The following ARHGAP15 variants were observed in gnomAD, a reference collection of about 807,000 sequenced individuals.
The protein encoded by ARHGAP15 is rho GTPase-activating protein 15.
In ARHGAP15, 51 loss-of-function variants were observed where a neutral mutation model predicts 63.7. The observed-to-expected ratio is 0.80, with a 90% CI of 0.64 to 1.01. The LOEUF (loss-of-function observed/expected upper bound fraction) is 1.01, where lower values mean the gene tolerates loss of function less well. Ranked by LOEUF, ARHGAP15 falls within the 50% of genes least tolerant of loss-of-function variation. The probability of loss-of-function intolerance (pLI) is 0.00; values close to 1 mark genes in which losing one functional copy is unlikely to be tolerated. For synonymous variants in ARHGAP15, 191 were observed against 193.8 expected, an observed-to-expected ratio of 0.99 and a Z score of 0.12; for missense variants, 560 against 564.6, an observed-to-expected ratio of 0.99 and a Z score of 0.08.
chr2:143,203,309 G>A (rs1460391295), intron 3 of ARHGAP15, among the ~76,000 whole-genome samples: 2 of 151,974 alleles, frequency 1.3e-5, no homozygotes, highest in Admixed American at 6.6e-5. Context: ...CCAAATAATT[G>A]TCTACCTTTG....
chr2:143,594,487 T>C (rs994453026), intron 11 of ARHGAP15, among the ~76,000 whole-genome samples: 1 of 152,170 alleles, frequency 6.6e-6, no homozygotes, highest in Non-Finnish European at 1.5e-5. Context: ...GGGGTTATAG[T>C]ATCCCAGTTT....
chr2:143,216,557 AGTC>A, intron 4 of ARHGAP15, 112 bp downstream of exon 4: 1 of 710,060 alleles, frequency 1.4e-6, no homozygotes, highest in East Asian at 2.6e-5. Flanking sequence ...AGACTAGAAC[AGTC>A]TCCTCTGCTA....
At chr2:143,303,893 A>C (rs781175784) in intron 6 of ARHGAP15, among the ~76,000 whole-genome samples, 1 of 152,180 alleles carries the variant, frequency 6.6e-6, no homozygotes, top group Non-Finnish European at 1.5e-5. Context: ...GCAAATCAAC[A>C]CCATAATGAG....
rs191129854 is a variant in ARHGAP15 at position 143,767,314 on chromosome 2, A to T, written c.1245-675A>T. On this transcript the variant is annotated intron_variant, in intron 13 of 13. Transcript: ENST00000295095. ...AACCAAATCCTAGTGTTTCATTGGT[A>T]TTCCAGCTCTCCATAGGGTCCTCAC... Among the ~76,000 whole-genome samples the T allele has an allele frequency of 2.1e-3, 315 of 152,292 alleles. 2 individuals carry two copies. The highest frequency in any genetic ancestry group is 2.6e-3 in the Non-Finnish European group (179 of 68,020).
chr2:143,356,062 G>A (rs990700847), intron 6 of ARHGAP15, among the ~76,000 whole-genome samples: 10 of 147,462 alleles, frequency 6.8e-5, no homozygotes, highest in African/African-American at 2.1e-4. Context: ...AAAAAAAAAA[G>A]AGAGAGAGAG....
At chr2:143,426,974 A>C (rs1244602623) in intron 6 of ARHGAP15, among the ~76,000 whole-genome samples, 2 of 152,166 alleles carry the variant, frequency 1.3e-5, no homozygotes, top group East Asian at 1.9e-4. Flanking sequence ...GAAGGCATTC[A>C]AGTTGCTGTT....
chr2:143,437,160 C>G, intron 8 of ARHGAP15, 118 bp downstream of exon 8: 3 of 1,210,322 alleles, frequency 2.5e-6, no homozygotes, highest in Admixed American at 3.1e-5. Context: ...AGATTCGTAG[C>G]CATTTCCTGG....
At chr2:143,477,654 C>T (rs1166548601) in intron 8 of ARHGAP15, among the ~76,000 whole-genome samples, 1 of 150,600 alleles carries the variant, frequency 6.6e-6, no homozygotes, top group Non-Finnish European at 1.5e-5. Context: ...AATTCAAAAT[C>T]CAAAGCCTAT....
At chr2:143,465,706 A>AAAT (rs5834950) in intron 8 of ARHGAP15, among the ~76,000 whole-genome samples, 135,659 of 152,010 alleles carry the variant, frequency 0.89, 60,825 homozygotes, top group Middle Eastern at 0.98. Flanking sequence ...AAGCAAGAAA[A>AAAT]ATAAGTTTTT....
At chr2:143,161,594 TC>T (rs1252320017) in intron 2 of ARHGAP15, among the ~76,000 whole-genome samples, 2 of 151,868 alleles carry the variant, frequency 1.3e-5, no homozygotes, top group African/African-American at 4.8e-5. Context: ...ATAAAATAGC[TC>T]CTTCTCAAGA....
chr2:143,387,692 A>G (rs1246737012), intron 6 of ARHGAP15, among the ~76,000 whole-genome samples: 6 of 151,954 alleles, frequency 3.9e-5, no homozygotes, highest in Non-Finnish European at 7.4e-5. Flanking sequence ...GTATTATTGA[A>G]TCTTCCCAAA....
chr2:143,702,832 A>G (rs1186195894), intron 12 of ARHGAP15, among the ~76,000 whole-genome samples: 1 of 152,046 alleles, frequency 6.6e-6, no homozygotes, highest in Admixed American at 6.6e-5. Context: ...TCTGACTCTC[A>G]TTCTCCTGTT....
chr2:143,664,005 A>G (rs1370902205), intron 12 of ARHGAP15, among the ~76,000 whole-genome samples: 2 of 151,332 alleles, frequency 1.3e-5, no homozygotes, highest in Non-Finnish European at 3.0e-5. Context: ...CAGATCAACG[A>G]GACAGAAAGT....
intron 9 of ARHGAP15, among the ~76,000 whole-genome samples, chr2:143,507,599 C>T (rs1241016865): frequency 6.6e-6 from 1 of 152,148 alleles, no homozygotes; most frequent in East Asian, 1.9e-4. Flanking sequence ...GCTTCGAATT[C>T]CATCTAGAGG....
chr2:143,616,735 C>G (rs746876350), intron 11 of ARHGAP15, among the ~76,000 whole-genome samples: 3 of 152,146 alleles, frequency 2.0e-5, no homozygotes, highest in Non-Finnish European at 2.9e-5. Context: ...AGAAAGGAAC[C>G]ATTTTCAAAC....
At chr2:143,437,807 C>T (rs1359780855) in intron 8 of ARHGAP15, among the ~76,000 whole-genome samples, 3 of 152,024 alleles carry the variant, frequency 2.0e-5, no homozygotes, top group Non-Finnish European at 2.9e-5. Context: ...GGGTGGATCA[C>T]GAGGTCAGGA....
chr2:143,597,821 C>G (rs1697582867), intron 11 of ARHGAP15: 1 of 152,128 alleles, frequency 6.6e-6, no homozygotes, highest in Admixed American at 6.6e-5. Context: ...TAACAAAACA[C>G]TTAAGACTGG....
intron 6 of ARHGAP15, among the ~76,000 whole-genome samples, chr2:143,353,740 G>T (rs1339070060): frequency 6.6e-6 from 1 of 152,076 alleles, no homozygotes; most frequent in Non-Finnish European, 1.5e-5. Context: ...TGATTGACTG[G>T]GAAACTAAGG....
In ARHGAP15 at chr2:143,351,948, A is replaced by G. The variant is rs187450886; in HGVS notation, c.475-83653A>G. Among the ~76,000 whole-genome samples the G allele has an allele frequency of 2.1e-3, 326 of 152,340 alleles. 1 individual carries two copies. Among genetic ancestry groups the G allele is most frequent in the African/African-American group, 7.5e-3 (310 of 41,582 alleles). On this transcript the variant is annotated intron_variant, in intron 6 of 13. Coordinates refer to ENST00000295095, the MANE Select transcript of ARHGAP15 (RefSeq NM_018460.4). Reference sequence around the variant, plus strand: ...AAAAGGATCAGTTCACTATTTATAGAACATATTTATTTACAAGATGTGGAT... The same window carrying G: ...AAAAGGATCAGTTCACTATTTATAGGACATATTTATTTACAAGATGTGGAT...
Sources: gnomAD v4.1 joint callset for allele counts (sites outside exome capture counted in the v4.1 genomes callset) on GRCh38, gnomAD v4.1.1 for gene constraint, MANE v1.5 for transcripts, NCBI Gene and HGNC (gene_info 2026-07-23, HGNC 2026-07-21) for gene names.